MYO5B: variants seen among roughly 807,000 people sequenced by gnomAD.
The protein encoded by MYO5B is unconventional myosin-Vb.
A neutral mutation model predicts 229.3 loss-of-function variants in MYO5B; 143 were observed. The ratio of observed to expected loss-of-function variants is 0.62; its 90% CI spans 0.54 to 0.72. MYO5B has a LOEUF of 0.72. Among genes scored for constraint, MYO5B ranks in the 30% least tolerant of loss-of-function variants. The probability of loss-of-function intolerance (pLI) is 0.00; values close to 1 mark genes in which losing one functional copy is unlikely to be tolerated. For synonymous variants in MYO5B, 918 were observed against 885.2 expected, an observed-to-expected ratio of 1.04 and a Z score of -0.66; for missense variants, 2,321 against 2,331.0, an observed-to-expected ratio of 1.00 and a Z score of 0.09.
Position 49,880,453 on chromosome 18 carries a change from T to A in MYO5B, c.3048A>T (p.Arg1016=). ...HSREKDELRK[R]VADLEQENAL... is the part of the protein sequence containing the mutation. ...CATTTTCTTGCTCCAGGTCTGCAAC[T>A]CGCTGGAAGAGAGCAATAGGGGAAA... The change falls in exon 23 of 40, where the codon CGA becomes CGT. Residue 1016 remains arginine (R), a splice_region_variant and synonymous_variant. Transcript: ENST00000285039. 6.2e-7 allele frequency: 1 copy of A among 1,613,804 alleles called. No homozygotes were observed. The highest frequency in any genetic ancestry group is 8.5e-7 in the Non-Finnish European group (1 of 1,179,686).
rs368816913 is a variant in MYO5B, at chr18:50,044,886, G to C, written c.139-4572C>G. Reference sequence around the variant, plus strand: ...AGCTTCAGTATTTAAAGGGGAAAGAGCAAGTAGGAGGGGGGAAAAAGGAGG... The same window carrying C: ...AGCTTCAGTATTTAAAGGGGAAAGACCAAGTAGGAGGGGGGAAAAAGGAGG... On this transcript the variant is annotated intron_variant, in intron 2 of 39. Coordinates refer to ENST00000285039, the MANE Select transcript of MYO5B (RefSeq NM_001080467.3). 3.3e-5 allele frequency among the ~76,000 whole-genome samples: 5 copies of C among 151,532 alleles called. No homozygotes were observed. In the East Asian group the frequency reaches 5.9e-4, roughly 18 times the overall value.
At position 49,824,134 on chromosome 18, in the gene MYO5B, G is replaced by A. The variant is rs1397150334; in HGVS notation, c.*2337C>T. On this transcript the variant is annotated 3_prime_UTR_variant, in exon 40 of 40. Transcript: ENST00000285039. ...TACTGATTTCATGACACTGATAAAT[G>A]TTTGAATTGAAATGATTTTTTAAAA... 1 of 152,466 alleles carries A rather than the reference G, an allele frequency of 6.6e-6. No homozygotes were observed. The highest frequency in any genetic ancestry group is 6.5e-5 in the Admixed American group (1 of 15,284). The allele number at this position is 152,466 out of a possible 1,614,324, so 9.4% of individuals were successfully genotyped here.
intron 4 of MYO5B, among the ~76,000 whole-genome samples, chr18:50,021,352 G>T (rs1459256206): frequency 6.6e-6 from 1 of 152,108 alleles, no homozygotes; most frequent in Non-Finnish European, 1.5e-5. Context: ...AAGAACCCTG[G>T]AGTAAGAGGC....
chr18:49,977,013 C>T (rs1271190003), intron 9 of MYO5B, among the ~76,000 whole-genome samples: 14 of 152,190 alleles, frequency 9.2e-5, no homozygotes, highest in Admixed American at 8.5e-4. Flanking sequence ...ACCATGACTG[C>T]CCAAGACATG....
intron 11 of MYO5B, 143 bp from the exon 12 acceptor site, chr18:49,962,549 T>TTA: frequency 5.9e-6 from 7 of 1,194,002 alleles, no homozygotes; most frequent in Non-Finnish European, 8.5e-6. Context: ...TAGTTATGAC[T>TTA]GCAGAAAAGC....
chr18:50,086,130 T>TA, intron 1 of MYO5B, among the ~76,000 whole-genome samples: 1 of 152,148 alleles, frequency 6.6e-6, no homozygotes, highest in East Asian at 1.9e-4. Context: ...AGTACAGAGT[T>TA]AAAGCAGACA....
Position 49,875,436 on chromosome 18 carries a change from A to G in MYO5B, c.3537+251T>C, listed in dbSNP as rs374125948. Among the ~76,000 whole-genome samples, 37 of 152,270 alleles carry G rather than the reference A, an allele frequency of 2.4e-4. No homozygotes were observed. In the South Asian group the frequency reaches 7.7e-3, roughly 32 times the overall value. ...CTCCCCTCTTTGCAAGTAGGTGATGATGCCACAGACTTCCCCCTAGCTTCA... is the reference window on the plus strand; with the variant it reads ...CTCCCCTCTTTGCAAGTAGGTGATGGTGCCACAGACTTCCCCCTAGCTTCA... On this transcript the variant is annotated intron_variant, in intron 26 of 39. Coordinates refer to ENST00000285039, the MANE Select transcript of MYO5B (RefSeq NM_001080467.3).
intron 22 of MYO5B, among the ~76,000 whole-genome samples, chr18:49,885,420 A>T (rs1379444855): frequency 6.6e-6 from 1 of 152,138 alleles, no homozygotes; most frequent in Non-Finnish European, 1.5e-5. Context: ...CAGACCCCTG[A>T]GTACCCACCT....
At chr18:50,125,739 T>C (rs892726516) in intron 1 of MYO5B, among the ~76,000 whole-genome samples, 4 of 152,102 alleles carry the variant, frequency 2.6e-5, no homozygotes, top group African/African-American at 9.7e-5. Flanking sequence ...TTCATCACAA[T>C]AGACAAAAGG....
chr18:50,092,640 A>G lies in MYO5B; in HGVS notation c.28-37262T>C, dbSNP rs567787589. On this transcript the variant is annotated intron_variant, in intron 1 of 39. Transcript: ENST00000285039. The stretch of plus-strand genomic sequence containing the variant: ...GGTTGGTCAGCTGCTTGGCTAGACC[A>G]TAACTTTCAGGCTTTTCAACAGGGT... Among the ~76,000 whole-genome samples the G allele has an allele frequency of 3.3e-5, 5 of 152,308 alleles. No homozygotes were observed. In the East Asian group the frequency reaches 9.6e-4, roughly 29 times the overall value.
At chr18:49,963,093 A>G in intron 10 of MYO5B, 63 bp from the exon 11 acceptor site, 2 of 1,369,758 alleles carry the variant, frequency 1.5e-6, no homozygotes, top group Non-Finnish European at 2.1e-6. Flanking sequence ...CTGGGACTTC[A>G]ACAAAGCTGC....
intron 1 of MYO5B, among the ~76,000 whole-genome samples, chr18:50,151,240 T>C (rs113360474): frequency 3.4e-3 from 525 of 152,294 alleles, no homozygotes; most frequent in South Asian, 5.0e-3. Flanking sequence ...TAGTTCAGAG[T>C]TAGCAGCTAG....
chr18:49,864,023 C>A, intron 28 of MYO5B, 118 bp downstream of exon 28: 1 of 1,482,702 alleles, frequency 6.7e-7, no homozygotes, highest in Non-Finnish European at 9.1e-7. Flanking sequence ...GACCCCACAG[C>A]GAGAGACTCT....
chr18:50,014,992 G>A (rs1353888256), intron 4 of MYO5B, among the ~76,000 whole-genome samples: 3 of 152,212 alleles, frequency 2.0e-5, no homozygotes, highest in Non-Finnish European at 2.9e-5. Flanking sequence ...GATGACCCTG[G>A]GGGAAGTCTC....
chr18:50,047,302 G>A (rs556223543), intron 2 of MYO5B, among the ~76,000 whole-genome samples: 134 of 152,276 alleles, frequency 8.8e-4, no homozygotes, highest in African/African-American at 2.9e-3. Context: ...CACTTCTCAA[G>A]AGAAGACATT....
At chr18:49,843,986 C>A (rs1002153927) in intron 33 of MYO5B, among the ~76,000 whole-genome samples, 2 of 152,246 alleles carry the variant, frequency 1.3e-5, no homozygotes, top group Non-Finnish European at 2.9e-5. Flanking sequence ...GGCAGGCCCC[C>A]CTTCCCCACC....
intron 1 of MYO5B, among the ~76,000 whole-genome samples, chr18:50,114,638 G>A (rs1376000580): frequency 3.9e-5 from 6 of 152,192 alleles, no homozygotes; most frequent in African/African-American, 7.2e-5. Flanking sequence ...TCAGAGCCTC[G>A]ACACACGCTG....
At chr18:49,948,823 G>T (rs1336152511) in intron 14 of MYO5B, among the ~76,000 whole-genome samples, 2 of 152,216 alleles carry the variant, frequency 1.3e-5, no homozygotes, top group South Asian at 4.2e-4. Flanking sequence ...CTGTTCCTGC[G>T]ACTCCTGTGC....
chr18:49,836,337 A>G (rs4939897), intron 38 of MYO5B, among the ~76,000 whole-genome samples: 20,747 of 152,260 alleles, frequency 0.14, 1,633 homozygotes, highest in East Asian at 0.3. Context: ...TTTGTAAAGA[A>G]AGCAAATACC....
Sources: gnomAD v4.1 joint callset for allele counts (sites outside exome capture counted in the v4.1 genomes callset) on GRCh38, gnomAD v4.1.1 for gene constraint, MANE v1.5 for transcripts, NCBI Gene and HGNC (gene_info 2026-07-23, HGNC 2026-07-21) for gene names.